Variants in CWF19L1 observed in about 807,000 individuals in gnomAD.
CWF19L1 encodes CWF19-like protein 1.
In CWF19L1, 60 loss-of-function variants were observed where a neutral mutation model predicts 69.7. That is an observed-to-expected ratio of 0.86 (90% confidence interval 0.70 to 1.07). The LOEUF (loss-of-function observed/expected upper bound fraction) is 1.07, where lower values mean the gene tolerates loss of function less well. Ranked by LOEUF, CWF19L1 falls within the 50% of genes least tolerant of loss-of-function variation. CWF19L1 has a pLI of 0.00. For missense variants in CWF19L1, 591 were observed against 638.9 expected, an observed-to-expected ratio of 0.92 and a Z score of 0.81; for synonymous variants, 209 against 222.2, an observed-to-expected ratio of 0.94 and a Z score of 0.53.
chr10:100,243,642 T>C, intron 10 of CWF19L1, 56 bp downstream of exon 10: 1 of 1,428,228 alleles, frequency 7.0e-7, no homozygotes, highest in Non-Finnish European at 9.9e-7. Context: ...CTCAATAAAG[T>C]TAATAAAAAA....
intron 9 of CWF19L1, among the ~76,000 whole-genome samples, chr10:100,244,272 CTCAT>C (rs1414267603): frequency 6.6e-6 from 1 of 152,234 alleles, no homozygotes; most frequent in Non-Finnish European, 1.5e-5. Context: ...GGCTCTTCAC[CTCAT>C]TATGTTTTAC....
Position 100,233,599 on chromosome 10 carries a change from G to C in CWF19L1, c.1473-228C>G, listed in dbSNP as rs371320488. 5.3e-5 allele frequency among the ~76,000 whole-genome samples: 8 copies of C among 152,192 alleles called. No homozygotes were observed. The South Asian group carries it at 1.5e-3, about 28-fold the overall frequency. ...GCTTCTCCCTCTCTTAAAAAACTTG[G>C]AACTATATTATTGGTACTTAGAGAA... On this transcript the variant is annotated intron_variant, in intron 13 of 13. Transcript: ENST00000354105.
chr10:100,247,358 G>A (rs892591804), intron 7 of CWF19L1, among the ~76,000 whole-genome samples: 2 of 152,236 alleles, frequency 1.3e-5, no homozygotes, highest in African/African-American at 4.8e-5. Context: ...AATTACAAAC[G>A]AACTTAGTGT....
At chr10:100,248,583 C>T (rs1846911868) in intron 7 of CWF19L1, 1 of 736,270 alleles carries the variant, frequency 1.4e-6, no homozygotes, top group Admixed American at 1.8e-5. Flanking sequence ...TCTTGACCAG[C>T]ATTGAAGAGG....
chr10:100,254,377 CCTT>C (rs1847142380), intron 5 of CWF19L1: 1 of 152,078 alleles, frequency 6.6e-6, no homozygotes, highest in Non-Finnish European at 1.5e-5. Flanking sequence ...ATAACCACAC[CCTT>C]CTTAAGTAAT....
chr10:100,247,156 G>A (rs1318654077), intron 7 of CWF19L1, among the ~76,000 whole-genome samples: 1 of 152,084 alleles, frequency 6.6e-6, no homozygotes, highest in Non-Finnish European at 1.5e-5. Flanking sequence ...AAATGAACAA[G>A]AAATCAAAGC....
intron 4 of CWF19L1, among the ~76,000 whole-genome samples, chr10:100,258,094 C>T (rs7101016): frequency 0.088 from 13,344 of 151,912 alleles, 1,162 homozygotes; most frequent in African/African-American, 0.22. Context: ...CAAAATTAGC[C>T]GGGCATGGTG....
At chr10:100,264,109 T>A (rs578092181) in intron 1 of CWF19L1, among the ~76,000 whole-genome samples, 1 of 152,360 alleles carries the variant, frequency 6.6e-6, no homozygotes, top group East Asian at 1.9e-4. Context: ...CATAGTGCAA[T>A]ATATTACTCA....
intron 4 of CWF19L1, among the ~76,000 whole-genome samples, chr10:100,259,435 A>G (rs1847320443): frequency 1.3e-5 from 2 of 152,208 alleles, no homozygotes; most frequent in South Asian, 4.1e-4. Context: ...AAAGAACAGC[A>G]CTAAAAACCT....
intron 1 of CWF19L1, chr10:100,262,448 T>C (rs1000718786): frequency 7.1e-6 from 7 of 985,340 alleles, no homozygotes; most frequent in Non-Finnish European, 8.4e-6. Context: ...ACTCCTCCTA[T>C]CTTAGTACGA....
At chr10:100,260,103 G>A in intron 4 of CWF19L1, 115 bp downstream of exon 4, 1 of 629,908 alleles carries the variant, frequency 1.6e-6, no homozygotes, top group South Asian at 1.9e-5. Flanking sequence ...GGGAGGTGGA[G>A]GTTACAGTGA....
At chr10:100,260,125 G>A (rs997245898) in intron 4 of CWF19L1, 93 bp downstream of exon 4, 24 of 720,306 alleles carry the variant, frequency 3.3e-5, no homozygotes, top group East Asian at 5.5e-5. Flanking sequence ...CCAAGATTGC[G>A]CCACTGCACT....
intron 1 of CWF19L1, among the ~76,000 whole-genome samples, chr10:100,264,701 G>A (rs1300502430): frequency 6.6e-6 from 1 of 151,904 alleles, no homozygotes; most frequent in Non-Finnish European, 1.5e-5. Flanking sequence ...GGAGATGACA[G>A]CTTCATGCAT....
At chr10:100,267,384 A>G in intron 1 of CWF19L1, 187 bp downstream of exon 1, 2 of 979,150 alleles carry the variant, frequency 2.0e-6, no homozygotes, top group African/African-American at 1.7e-5. Context: ...CCCCCTCAGA[A>G]GCGAAAAGGG....
chr10:100,259,984 G>A (rs1313727443), intron 4 of CWF19L1, among the ~76,000 whole-genome samples: 2 of 152,112 alleles, frequency 1.3e-5, no homozygotes, highest in Non-Finnish European at 2.9e-5. Flanking sequence ...GACTAACACG[G>A]TGAAACCCTG....
chr10:100,261,763 C>A (rs1011356536), intron 2 of CWF19L1, among the ~76,000 whole-genome samples: 2 of 152,122 alleles, frequency 1.3e-5, no homozygotes, highest in Non-Finnish European at 2.9e-5. Flanking sequence ...GATAAAGTAA[C>A]AATATTCAAA....
At chr10:100,260,746 C>A (rs573632207) in intron 3 of CWF19L1, among the ~76,000 whole-genome samples, 55 of 152,224 alleles carry the variant, frequency 3.6e-4, no homozygotes, top group Non-Finnish European at 5.7e-4. Flanking sequence ...TGGTCTTGAA[C>A]CCCTGACCTC....
chr10:100,248,870 A>C, intron 7 of CWF19L1: 1 of 1,064,912 alleles, frequency 9.4e-7, no homozygotes, highest in Non-Finnish European at 1.5e-6. Context: ...AAGGCTGAGC[A>C]GCAGAAAAAG....
chr10:100,255,937 A>G (rs1382638102), intron 5 of CWF19L1, among the ~76,000 whole-genome samples: 2 of 141,024 alleles, frequency 1.4e-5, no homozygotes, highest in Non-Finnish European at 3.0e-5. Flanking sequence ...CTCAAAAAAA[A>G]ACAAAAAACA....
Sources: allele counts gnomAD v4.1 joint callset (sites outside exome capture counted in the v4.1 genomes callset), GRCh38; gene constraint gnomAD v4.1.1; transcripts MANE v1.5; gene names NCBI Gene and HGNC (gene_info 2026-07-23, HGNC 2026-07-21).